BCAS3: variants seen among roughly 807,000 people sequenced by gnomAD.
BCAS3 encodes BCAS3 microtubule associated cell migration factor, also known as BCAS4/BCAS3 fusion.
A neutral mutation model predicts 116.1 loss-of-function variants in BCAS3; 53 were observed. That is an observed-to-expected ratio of 0.46 (90% CI 0.37 to 0.57). The LOEUF is 0.57. Ranked by LOEUF, BCAS3 falls within the 20% of genes least tolerant of loss-of-function variation. BCAS3 has a pLI of 0.00. For synonymous variants in BCAS3, 391 were observed against 408.2 expected (o/e 0.96, Z 0.51); for missense variants, 917 against 1,165.4 (o/e 0.79, Z 3.10).
At chr17:60,907,539 A>G (rs964098065) in intron 11 of BCAS3, among the ~76,000 whole-genome samples, 1 of 152,186 alleles carries the variant, frequency 6.6e-6, no homozygotes, top group African/African-American at 2.4e-5. Context: ...GCAGAACAGA[A>G]TAAGTACCAT....
Position 61,249,724 on chromosome 17 carries a change from T to C in BCAS3, c.2426-118603T>C, listed in dbSNP as rs148713854. Among the ~76,000 whole-genome samples the C allele has an allele frequency of 2.0e-3, 311 of 151,984 alleles. 2 individuals are homozygous for C. The highest frequency in any genetic ancestry group is 7.0e-3 in the African/African-American group (289 of 41,236). Reference sequence around the variant, plus strand: ...TGTGAAATCATGGTCACAGGAGTTATTTCCAAGGATGTTTAAGTAGCTGCT... The same window carrying C: ...TGTGAAATCATGGTCACAGGAGTTACTTCCAAGGATGTTTAAGTAGCTGCT... On this transcript the variant is annotated intron_variant, in intron 22 of 23. Transcript: ENST00000407086. This position sits in a 1 kb window ranked among gnomAD's most constrained non-coding sequence, Gnocchi z 6.2.
In BCAS3 at chr17:61,087,028, G is replaced by A. The variant is rs1415747980; in HGVS notation, c.2425+2464G>A. ...CAAAAATCAAGGTAGCAAGTCTAAC[G>A]AAATCGAGGCTAAATAATTTGAGTT... On this transcript the variant is annotated intron_variant, in intron 22 of 23. Transcript: ENST00000407086. This position sits in a 1 kb window ranked among gnomAD's most constrained non-coding sequence, Gnocchi z 4.6. 9.1e-6 allele frequency: 9 copies of A among 984,998 alleles called. No individual in the cohort carries two copies. The East Asian group carries it at 3.4e-4, about 37-fold the overall frequency. 61.0% of individuals were successfully genotyped at this position (984,998 alleles called of 1,614,324 possible).
At chr17:61,146,566 G>A (rs557248931) in intron 22 of BCAS3, among the ~76,000 whole-genome samples, 1 of 152,256 alleles carries the variant, frequency 6.6e-6, no homozygotes, top group Non-Finnish European at 1.5e-5. Context: ...AATCAAATTG[G>A]TAGTTTTCAT....
intron 7 of BCAS3, among the ~76,000 whole-genome samples, chr17:60,842,889 A>G (rs1344262686): frequency 1.4e-5 from 2 of 142,094 alleles, no homozygotes; most frequent in African/African-American, 5.2e-5. Context: ...TTTTATTTTT[A>G]TAGACAGGGT....
intron 22 of BCAS3, among the ~76,000 whole-genome samples, chr17:61,149,608 T>G (rs1289636208): frequency 6.6e-6 from 1 of 151,896 alleles, no homozygotes; most frequent in African/African-American, 2.4e-5. Flanking sequence ...CAAGGGAGGG[T>G]CAAATGTATC....
chr17:61,236,312 G>A (rs867597368), intron 22 of BCAS3, among the ~76,000 whole-genome samples: 6 of 152,124 alleles, frequency 3.9e-5, no homozygotes, highest in Non-Finnish European at 5.9e-5. Context: ...TTATTTATTC[G>A]TTACTTTAAC....
chr17:60,887,675 T>G (rs1029360284), intron 9 of BCAS3, among the ~76,000 whole-genome samples: 1 of 152,098 alleles, frequency 6.6e-6, no homozygotes, highest in Non-Finnish European at 1.5e-5. Context: ...TGTAAATAAC[T>G]GTTTTCTTTA....
intron 7 of BCAS3, among the ~76,000 whole-genome samples, chr17:60,812,831 C>A (rs910200920): frequency 6.6e-6 from 1 of 152,094 alleles, no homozygotes; most frequent in Non-Finnish European, 1.5e-5. Context: ...TCTGGAACTC[C>A]TGGGCTCAAG....
rs1021820065 is a variant in BCAS3 at position 61,004,560 on chromosome 17, T to C, written c.1487-11191T>C. ...CAGGAACTAGAAATCTGCTAGTTGA[T>C]AGTTGTAAACTACAAAAGGACAACA... On this transcript the variant is annotated intron_variant, in intron 15 of 23. Transcript: ENST00000407086. This position sits in a 1 kb window ranked among gnomAD's most constrained non-coding sequence, Gnocchi z 4.8. Among the ~76,000 whole-genome samples the C allele has an allele frequency of 1.3e-5, 2 of 152,108 alleles. No homozygotes were observed. The highest frequency in any genetic ancestry group is 3.9e-4 in the East Asian group (2 of 5,184).
In BCAS3 at chr17:61,106,399, A is replaced by C. The variant is rs1165961564; in HGVS notation, c.2425+21835A>C. Among the ~76,000 whole-genome samples the C allele has an allele frequency of 6.6e-6, 1 of 152,226 alleles. No homozygotes were observed. Among genetic ancestry groups the C allele is most frequent in the Non-Finnish European group, 1.5e-5 (1 of 68,028 alleles). On this transcript the variant is annotated intron_variant, in intron 22 of 23. Coordinates refer to ENST00000407086, the MANE Select transcript of BCAS3 (RefSeq NM_017679.5). The surrounding 1 kb of genome is among the most constrained non-coding windows in gnomAD (Gnocchi z 4.2). The stretch of plus-strand genomic sequence containing the variant: ...TACAGTTGCCTACAGTATTCGGTAC[A>C]GTAACATACTGCACAGATTTTTTGT...
chr17:61,060,502 A>AAAAGT (rs1478137769), intron 19 of BCAS3, among the ~76,000 whole-genome samples: 2 of 152,146 alleles, frequency 1.3e-5, no homozygotes, highest in Non-Finnish European at 2.9e-5. Flanking sequence ...CCTGTTCTAG[A>AAAAGT]AAAGTATTAC....
intron 7 of BCAS3, among the ~76,000 whole-genome samples, chr17:60,863,494 TC>T (rs1385288974): frequency 6.6e-6 from 1 of 152,020 alleles, no homozygotes; most frequent in African/African-American, 2.4e-5. Context: ...TTCCTGTAAT[TC>T]CAGCACTTTG....
chr17:60,969,178 T>C (rs79168947), intron 14 of BCAS3, among the ~76,000 whole-genome samples: 2,183 of 152,290 alleles, frequency 0.014, 58 homozygotes, highest in African/African-American at 0.05. Flanking sequence ...ATCTCGGTAC[T>C]ATATATTTGT....
chr17:60,886,706 G>T (rs1423725604), intron 9 of BCAS3, among the ~76,000 whole-genome samples: 5 of 152,094 alleles, frequency 3.3e-5, no homozygotes, highest in Admixed American at 6.6e-5. Flanking sequence ...AACCTGCCGT[G>T]TGAGGTGTCA....
At chr17:60,805,357 A>G (rs1361338410) in intron 6 of BCAS3, among the ~76,000 whole-genome samples, 1 of 152,194 alleles carries the variant, frequency 6.6e-6, no homozygotes, top group African/African-American at 2.4e-5. Context: ...AAGATAAGGT[A>G]TCTTAAAAAT....
intron 13 of BCAS3, among the ~76,000 whole-genome samples, chr17:60,939,448 A>T (rs572557254): frequency 6.6e-6 from 1 of 152,304 alleles, no homozygotes; most frequent in East Asian, 1.9e-4. Context: ...AAGAAAAAAC[A>T]AAAAACTAGA....
At chr17:60,802,635 T>A (rs1362130456) in intron 6 of BCAS3, among the ~76,000 whole-genome samples, 2 of 152,110 alleles carry the variant, frequency 1.3e-5, no homozygotes, top group African/African-American at 2.4e-5. Context: ...ACATTGCATA[T>A]CTGCTTGTCG....
intron 10 of BCAS3, among the ~76,000 whole-genome samples, chr17:60,893,290 C>T (rs193084786): frequency 6.6e-6 from 1 of 152,066 alleles, no homozygotes; most frequent in Non-Finnish European, 1.5e-5. Flanking sequence ...TTTTTGGGGT[C>T]TTTGTCATAA....
In BCAS3 at chr17:61,181,973, A is replaced by G. The variant is rs996376912; in HGVS notation, c.2425+97409A>G. Among the ~76,000 whole-genome samples, 2 of 151,918 alleles carry G rather than the reference A, an allele frequency of 1.3e-5. No individual in the cohort carries two copies. On this transcript the variant is annotated intron_variant, in intron 22 of 23. Coordinates refer to ENST00000407086, the MANE Select transcript of BCAS3 (RefSeq NM_017679.5). This position sits in a 1 kb window ranked among gnomAD's most constrained non-coding sequence, Gnocchi z 5.0. ...ATTGCACCCTCAACCTCTTGGGCTCAAGGGATCTTCCCACCTCAGCCTGCC... is the reference window on the plus strand; with the variant it reads ...ATTGCACCCTCAACCTCTTGGGCTCGAGGGATCTTCCCACCTCAGCCTGCC...
Sources: allele counts gnomAD v4.1 joint callset (sites outside exome capture counted in the v4.1 genomes callset), GRCh38; gene constraint gnomAD v4.1.1; non-coding constraint Gnocchi (gnomAD v3.1); transcripts MANE v1.5; gene names NCBI Gene and HGNC (gene_info 2026-07-23, HGNC 2026-07-21).